The following RYR2 variants were observed in gnomAD, a reference collection of about 807,000 sequenced individuals.
RYR2 encodes ryanodine receptor 2.
A neutral mutation model predicts 601.1 loss-of-function variants in RYR2; 227 were observed. That is an observed-to-expected ratio of 0.38 (90% CI 0.34 to 0.42). The LOEUF (loss-of-function observed/expected upper bound fraction) is 0.42, where lower values mean the gene tolerates loss of function less well. Among genes scored for constraint, RYR2 ranks in the 10% least tolerant of loss-of-function variants. The pLI is 1.00. For synonymous variants in RYR2, 2,223 were observed against 2,175.1 expected (o/e 1.02, Z -0.61); for missense variants, 4,646 against 6,156.5 (o/e 0.75, Z 8.21).
chr1:237,557,494 C>A lies in RYR2; in HGVS notation c.3214+6803C>A, dbSNP rs116922100. On this transcript the variant is annotated intron_variant, in intron 27 of 104. Coordinates refer to ENST00000366574, the MANE Select transcript of RYR2 (RefSeq NM_001035.3). ...AATGGGAATTTCAGAGAGCTTTGTA[C>A]GACCAGATGTAGAGTGGAGTTTGAA... Among the ~76,000 whole-genome samples the A allele has an allele frequency of 2.6e-4, 39 of 151,060 alleles. 1 individual carries two copies. The East Asian group carries it at 7.2e-3, about 28-fold the overall frequency.
intron 79 of RYR2, among the ~76,000 whole-genome samples, chr1:237,735,802 T>C (rs932367374): frequency 6.6e-6 from 1 of 152,214 alleles, no homozygotes; most frequent in Non-Finnish European, 1.5e-5. Flanking sequence ...GTTGTTCAAC[T>C]CTATCATATT....
At chr1:237,822,802 A>G (rs918508154) in intron 101 of RYR2, among the ~76,000 whole-genome samples, 5 of 152,224 alleles carry the variant, frequency 3.3e-5, no homozygotes, top group Admixed American at 6.5e-5. Flanking sequence ...GTGCAAAGAC[A>G]CACATGGGCT....
At chr1:237,273,938 T>G (rs897384121) in intron 2 of RYR2, among the ~76,000 whole-genome samples, 5 of 145,478 alleles carry the variant, frequency 3.4e-5, no homozygotes, top group African/African-American at 1.3e-4. Context: ...ATATATATTA[T>G]ATATTTATAT....
At chr1:237,578,871 CT>C (rs1389517726) in intron 29 of RYR2, among the ~76,000 whole-genome samples, 1 of 152,112 alleles carries the variant, frequency 6.6e-6, no homozygotes, top group Non-Finnish European at 1.5e-5. Context: ...CAGAAGAGTC[CT>C]GCAGTGAATG....
At position 237,469,200 on chromosome 1, in the gene RYR2, G is replaced by GT. The variant is rs772956686; in HGVS notation, c.1708+19dup. 9 of 1,209,442 alleles carry GT rather than the reference G, an allele frequency of 7.4e-6. No individual in the cohort carries two copies. The East Asian group carries it at 4.9e-4, about 66-fold the overall frequency. 74.9% of individuals were successfully genotyped at this position (1,209,442 alleles called of 1,614,324 possible). On this transcript the variant is annotated intron_variant, in intron 17 of 104. Transcript: ENST00000366574. Reference sequence around the variant, plus strand: ...GAAGCTTCTTCAGGTATGTTTTCTAGTTTTTTCCTTGTTGTGATAGATCAC... The same window carrying GT: ...GAAGCTTCTTCAGGTATGTTTTCTAGTTTTTTTCCTTGTTGTGATAGATCAC...
chr1:237,661,392 T>C (rs1208469565), intron 56 of RYR2, among the ~76,000 whole-genome samples: 1 of 152,080 alleles, frequency 6.6e-6, no homozygotes, highest in African/African-American at 2.4e-5. Flanking sequence ...AAATACCTAA[T>C]GTAGATGACG....
intron 1 of RYR2, among the ~76,000 whole-genome samples, chr1:237,053,011 G>A (rs1213630597): frequency 6.6e-6 from 1 of 152,036 alleles, no homozygotes; most frequent in African/African-American, 2.4e-5. Context: ...ACCATGCCAA[G>A]CTAATTTTTG....
chr1:237,611,146 C>A (rs1053231868), intron 36 of RYR2, among the ~76,000 whole-genome samples, 158 bp downstream of exon 36: 2 of 152,108 alleles, frequency 1.3e-5, no homozygotes, highest in Non-Finnish European at 2.9e-5. Flanking sequence ...CATTATTCTG[C>A]GTATTCTAAG....
intron 1 of RYR2, among the ~76,000 whole-genome samples, chr1:237,202,839 G>A (rs2149053124): frequency 6.6e-6 from 1 of 152,252 alleles, no homozygotes; most frequent in East Asian, 1.9e-4. Context: ...TCTTTGCTGT[G>A]TGGTGGAAGG....
At chr1:237,208,747 A>G (rs894911525) in intron 1 of RYR2, among the ~76,000 whole-genome samples, 2 of 151,536 alleles carry the variant, frequency 1.3e-5, no homozygotes, top group Admixed American at 1.3e-4. Flanking sequence ...CTCTTAGCAA[A>G]TTTCAAGTGT....
At chr1:237,378,681 G>C (rs1330510905) in intron 8 of RYR2, among the ~76,000 whole-genome samples, 1 of 152,218 alleles carries the variant, frequency 6.6e-6, no homozygotes, top group Non-Finnish European at 1.5e-5. Context: ...GATTAAGTAA[G>C]TAGTTGATAC....
At chr1:237,061,651 A>G (rs1274851175) in intron 1 of RYR2, among the ~76,000 whole-genome samples, 2 of 152,148 alleles carry the variant, frequency 1.3e-5, no homozygotes, top group Admixed American at 1.3e-4. Context: ...TATGATGTGA[A>G]TAGGAATCTT....
At chr1:237,042,657 C>A in intron 1 of RYR2, 88 bp downstream of exon 1, 2 of 1,193,778 alleles carry the variant, frequency 1.7e-6, no homozygotes, top group Non-Finnish European at 2.1e-6. Flanking sequence ...CAGCGGGCAG[C>A]GGGGACTCGC....
intron 56 of RYR2, among the ~76,000 whole-genome samples, chr1:237,662,318 A>T (rs575237170): frequency 6.6e-6 from 1 of 152,070 alleles, no homozygotes; most frequent in East Asian, 1.9e-4. Flanking sequence ...ACAAATGCTG[A>T]GCACAAACTG....
At chr1:237,418,338 G>A (rs926455624) in intron 11 of RYR2, among the ~76,000 whole-genome samples, 2 of 152,060 alleles carry the variant, frequency 1.3e-5, no homozygotes, top group African/African-American at 2.4e-5. Context: ...CACCACGCTC[G>A]GCCTAGTATA....
chr1:237,767,126 A>G (rs1050275876), intron 84 of RYR2, among the ~76,000 whole-genome samples: 7 of 152,222 alleles, frequency 4.6e-5, no homozygotes, highest in African/African-American at 1.4e-4. Context: ...CTATATCAAC[A>G]TGATGAAACG....
chr1:237,528,129 A>C (rs556166580), intron 24 of RYR2, among the ~76,000 whole-genome samples: 1 of 152,304 alleles, frequency 6.6e-6, no homozygotes, highest in South Asian at 2.1e-4. Flanking sequence ...AATATGTCAA[A>C]GAGAAGCCAT....
chr1:237,137,145 C>G (rs1455525745), intron 1 of RYR2, among the ~76,000 whole-genome samples: 1 of 151,910 alleles, frequency 6.6e-6, no homozygotes, highest in African/African-American at 2.4e-5. Context: ...CATGAATCAT[C>G]CAGTAACATG....
intron 14 of RYR2, among the ~76,000 whole-genome samples, chr1:237,449,648 A>C (rs1453795481): frequency 2.0e-5 from 3 of 151,438 alleles, no homozygotes; most frequent in Admixed American, 1.3e-4. Flanking sequence ...ATTTCTTATC[A>C]TGCAAGTCTG....
Sources: gnomAD v4.1 joint callset for allele counts (sites outside exome capture counted in the v4.1 genomes callset) on GRCh38, gnomAD v4.1.1 for gene constraint, MANE v1.5 for transcripts, NCBI Gene and HGNC (gene_info 2026-07-23, HGNC 2026-07-21) for gene names.